LARP4B: variants seen among roughly 807,000 people sequenced by gnomAD.
The protein encoded by LARP4B is la-related protein 4B.
LARP4B carries 12 observed loss-of-function variants against 89.8 expected under a neutral mutation model. The observed-to-expected ratio is 0.13, with a 90% CI of 0.09 to 0.22. LARP4B has a LOEUF of 0.22. Ranked by LOEUF, LARP4B falls within the 10% of genes least tolerant of loss-of-function variation. The probability of loss-of-function intolerance (pLI) is 1.00; values close to 1 mark genes in which losing one functional copy is unlikely to be tolerated. For synonymous variants in LARP4B, 367 were observed against 363.3 expected (o/e 1.01, Z -0.12); for missense variants, 757 against 947.7 (o/e 0.80, Z 2.64).
chr10:876,228 C>T (rs1400630385), intron 3 of LARP4B, among the ~76,000 whole-genome samples: 1 of 151,886 alleles, frequency 6.6e-6, no homozygotes, highest in East Asian at 1.9e-4. Context: ...TCTACTAATA[C>T]AAAAAATTAG....
upstream of LARP4B, among the ~76,000 whole-genome samples, chr10:936,426 T>C (rs1830748502): frequency 6.6e-6 from 1 of 152,038 alleles, no homozygotes; most frequent in Non-Finnish European, 1.5e-5. Flanking sequence ...AGTCACGATT[T>C]ACTACGAGGC....
chr10:841,974 A>G (rs1055511073), intron 7 of LARP4B, among the ~76,000 whole-genome samples: 5 of 152,034 alleles, frequency 3.3e-5, no homozygotes, highest in Admixed American at 6.5e-5. Context: ...TCAAATTCAT[A>G]CAAGAAAAAA....
chr10:859,866 G>T (rs1834504486), intron 5 of LARP4B, among the ~76,000 whole-genome samples: 1 of 150,972 alleles, frequency 6.6e-6, no homozygotes, highest in Non-Finnish European at 1.5e-5. Flanking sequence ...GATGCTAGGG[G>T]TTGGGGGGAG....
chr10:840,450 A>G (rs1358303742), intron 7 of LARP4B, among the ~76,000 whole-genome samples: 1 of 152,160 alleles, frequency 6.6e-6, no homozygotes, highest in Non-Finnish European at 1.5e-5. Context: ...ACCTTGCACA[A>G]ATTTGGAAAT....
the LARP4B span, among the ~76,000 whole-genome samples, chr10:984,223 T>C: frequency 6.6e-6 from 1 of 152,214 alleles, no homozygotes; most frequent in Non-Finnish European, 1.5e-5. Flanking sequence ...AACATGAAAC[T>C]TGTCTTTGCT....
At chr10:907,075 A>G (rs1175786466) in intron 1 of LARP4B, among the ~76,000 whole-genome samples, 1 of 152,178 alleles carries the variant, frequency 6.6e-6, no homozygotes, top group African/African-American at 2.4e-5. Context: ...TTGGTTGGTT[A>G]TTCTATGTAC....
chr10:963,852 C>T, the LARP4B span, among the ~76,000 whole-genome samples: 3 of 152,288 alleles, frequency 2.0e-5, no homozygotes, highest in South Asian at 4.1e-4. Context: ...TTAAGCCCTT[C>T]GTGAGGGTGG....
intron 5 of LARP4B, among the ~76,000 whole-genome samples, chr10:845,999 A>G (rs1833761169): frequency 6.6e-6 from 1 of 152,224 alleles, no homozygotes; most frequent in South Asian, 2.1e-4. Flanking sequence ...TGAGCTTAGT[A>G]AAAATCCACC....
chr10:906,799 C>A (rs956128637), intron 1 of LARP4B, among the ~76,000 whole-genome samples: 4 of 152,210 alleles, frequency 2.6e-5, no homozygotes, highest in African/African-American at 9.6e-5. Flanking sequence ...GTGCCCAAGG[C>A]AGAAACTTGC....
chr10:842,119 T>C (rs1833547338), intron 7 of LARP4B, among the ~76,000 whole-genome samples: 1 of 152,178 alleles, frequency 6.6e-6, no homozygotes, highest in South Asian at 2.1e-4. Flanking sequence ...CAAAACTATG[T>C]AGGGGCACCA....
the LARP4B span, among the ~76,000 whole-genome samples, chr10:951,311 G>A: frequency 4.9e-4 from 75 of 152,236 alleles, no homozygotes; most frequent in Non-Finnish European, 8.1e-4. Flanking sequence ...CACTTTGGGA[G>A]GCTGAGGCAG....
At chr10:840,000 T>C (rs1436084130) in intron 7 of LARP4B, among the ~76,000 whole-genome samples, 1 of 152,144 alleles carries the variant, frequency 6.6e-6, no homozygotes, top group African/African-American at 2.4e-5. Context: ...ACAATAGTTA[T>C]GCCAGACCAA....
At chr10:884,609 C>T (rs1835795390) in intron 2 of LARP4B, 103 bp from the exon 3 acceptor site, 2 of 683,946 alleles carry the variant, frequency 2.9e-6, no homozygotes, top group South Asian at 3.6e-5. Flanking sequence ...CCAAGAAATG[C>T]ACATTTCACA....
In LARP4B at chr10:811,354, A is replaced by T. The variant is rs1415916255; in HGVS notation, c.*1572T>A. The T allele has an allele frequency of 6.6e-6, 1 of 152,552 alleles. No homozygotes were observed. The highest frequency in any genetic ancestry group is 2.4e-5 in the African/African-American group (1 of 41,412). 9.4% of individuals were successfully genotyped at this position (152,552 alleles called of 1,614,324 possible). ...ATTTACAACTGTACAAGCGAAGCAC[A>T]CTCCAAGTGCACGTATTTAATACAG... On this transcript the variant is annotated 3_prime_UTR_variant, in exon 18 of 18. Transcript: ENST00000316157.
chr10:935,722 CTTTTT>C (rs10711022), upstream of LARP4B, among the ~76,000 whole-genome samples: 2 of 83,902 alleles, frequency 2.4e-5, no homozygotes, highest in African/African-American at 4.4e-5. Flanking sequence ...CTTTTCTTTT[CTTTTT>C]TTTTTTTTTT....
chr10:813,502 G>T (rs565687809), intron 17 of LARP4B, among the ~76,000 whole-genome samples: 1 of 152,196 alleles, frequency 6.6e-6, no homozygotes, highest in Non-Finnish European at 1.5e-5. Context: ...TGGGCAATGC[G>T]GAAGCCTAGG....
chr10:814,477 CTT>C lies in LARP4B; in HGVS notation c.1929+263_1929+264del. On this transcript the variant is annotated intron_variant, in intron 17 of 17. Transcript: ENST00000316157. The surrounding 1 kb of genome is among the most constrained non-coding windows in gnomAD (Gnocchi z 4.4). Reference sequence around the variant, plus strand: ...TCTATGGAGAAACAGGAGCTGGGGTCTTGTTACTACTCAAGAAACCTCTATTG... The same window carrying C: ...TCTATGGAGAAACAGGAGCTGGGGTCGTTACTACTCAAGAAACCTCTATTG... 5.3e-6 allele frequency: 3 copies of C among 564,476 alleles called. No homozygotes were observed. The highest frequency in any genetic ancestry group is 9.4e-6 in the Non-Finnish European group (3 of 320,806). The allele number at this position is 564,476 out of a possible 1,614,324, so 35.0% of individuals were successfully genotyped here.
the LARP4B span, among the ~76,000 whole-genome samples, chr10:939,238 G>A: frequency 4.0e-4 from 61 of 152,362 alleles, no homozygotes; most frequent in East Asian, 9.3e-3. Context: ...CCGCTCAGGC[G>A]AGGAGGGTGC....
In LARP4B at chr10:810,811, C is replaced by A. The variant is rs1831720066; in HGVS notation, c.*2115G>T. ...TTTTTTTTTTTTTTTGGTCAGTGAA[C>A]TGACAACTACAAAAAAAAATCCCCA... On this transcript the variant is annotated 3_prime_UTR_variant, in exon 18 of 18. Coordinates refer to ENST00000316157, the MANE Select transcript of LARP4B (RefSeq NM_015155.3). 1 of 138,228 alleles carries A rather than the reference C, an allele frequency of 7.2e-6. No homozygotes were observed. Among genetic ancestry groups the A allele is most frequent in the East Asian group, 2.1e-4 (1 of 4,780 alleles). 8.6% of individuals were successfully genotyped at this position (138,228 alleles called of 1,614,324 possible).
Sources: allele counts gnomAD v4.1 joint callset (sites outside exome capture counted in the v4.1 genomes callset), GRCh38; gene constraint gnomAD v4.1.1; non-coding constraint Gnocchi (gnomAD v3.1); transcripts MANE v1.5; gene names NCBI Gene and HGNC (gene_info 2026-07-23, HGNC 2026-07-21).